ACAA2: variants seen among roughly 807,000 people sequenced by gnomAD.
ACAA2 encodes 3-ketoacyl-CoA thiolase, mitochondrial.
In ACAA2, 35 loss-of-function variants were observed where a neutral mutation model predicts 44.8. That is an observed-to-expected ratio of 0.78 (90% CI 0.60 to 1.04). ACAA2 has a LOEUF of 1.04. Among genes scored for constraint, ACAA2 ranks in the 50% least tolerant of loss-of-function variants. The pLI, the probability that ACAA2 is intolerant of heterozygous loss-of-function variation, is 0.00. For missense variants in ACAA2, 468 were observed against 482.6 expected (o/e 0.97, Z 0.28); for synonymous variants, 142 against 166.5 (o/e 0.85, Z 1.13).
intron 2 of ACAA2, among the ~76,000 whole-genome samples, chr18:49,801,400 T>G (rs2143969746): frequency 6.6e-6 from 1 of 152,334 alleles, no homozygotes; most frequent in East Asian, 1.9e-4. Flanking sequence ...AAAAAATATT[T>G]TTCCTTCAAA....
chr18:49,787,260 T>TTA, intron 8 of ACAA2, 31 bp downstream of exon 8: 3 of 1,023,526 alleles, frequency 2.9e-6, no homozygotes, highest in South Asian at 4.5e-5. Flanking sequence ...TTCATGTTGT[T>TTA]AAAAAAAAAA....
chr18:49,799,215 C>A (rs1260610111), intron 2 of ACAA2, among the ~76,000 whole-genome samples: 1 of 152,042 alleles, frequency 6.6e-6, no homozygotes, highest in South Asian at 2.1e-4. Context: ...CACAGCTCTC[C>A]CTCTCCCCCT....
At chr18:49,806,637 T>C (rs141339500) in intron 1 of ACAA2, among the ~76,000 whole-genome samples, 50 of 152,202 alleles carry the variant, frequency 3.3e-4, no homozygotes, top group African/African-American at 1.0e-3. Flanking sequence ...AAACAAAAAA[T>C]ATGACAATCA....
intron 2 of ACAA2, among the ~76,000 whole-genome samples, chr18:49,799,583 C>A (rs547212018): frequency 6.6e-6 from 1 of 152,092 alleles, no homozygotes; most frequent in African/African-American, 2.4e-5. Context: ...ACCTCCCAGC[C>A]GCCTGCCTTG....
chr18:49,784,181 T>G (rs1214683835), intron 9 of ACAA2, among the ~76,000 whole-genome samples: 1 of 151,382 alleles, frequency 6.6e-6, no homozygotes, highest in African/African-American at 2.4e-5. Context: ...AAAAAGGAGA[T>G]GAGTGGATTT....
intron 7 of ACAA2, among the ~76,000 whole-genome samples, chr18:49,790,183 G>A (rs766027924): frequency 1.5e-4 from 23 of 152,210 alleles, no homozygotes; most frequent in Non-Finnish European, 3.1e-4. Flanking sequence ...ATAGCCAAAA[G>A]CTAATAAGCT....
chr18:49,785,004 A>G (rs2143943234), intron 9 of ACAA2, among the ~76,000 whole-genome samples, 193 bp downstream of exon 9: 1 of 152,332 alleles, frequency 6.6e-6, no homozygotes, highest in Admixed American at 6.5e-5. Context: ...TTAAGTGCAA[A>G]GCCACTAACA....
intron 1 of ACAA2, among the ~76,000 whole-genome samples, chr18:49,806,125 AG>A (rs887241900): frequency 1.3e-4 from 20 of 152,224 alleles, no homozygotes; most frequent in African/African-American, 4.8e-4. Context: ...GGAACAGAAC[AG>A]GGTAAGTGTC....
chr18:49,804,383 T>C (rs1188081979), intron 1 of ACAA2, among the ~76,000 whole-genome samples: 1 of 152,144 alleles, frequency 6.6e-6, no homozygotes, highest in Non-Finnish European at 1.5e-5. Flanking sequence ...TTCAAATAAA[T>C]AACCTGAACT....
At chr18:49,790,453 A>C (rs978002781) in intron 7 of ACAA2, among the ~76,000 whole-genome samples, 4 of 152,218 alleles carry the variant, frequency 2.6e-5, no homozygotes, top group South Asian at 2.1e-4. Context: ...GTAACAGGTT[A>C]TCCTCCTCCT....
intron 1 of ACAA2, among the ~76,000 whole-genome samples, chr18:49,803,834 A>G (rs1173010767): frequency 1.3e-5 from 2 of 152,142 alleles, no homozygotes; most frequent in Non-Finnish European, 1.5e-5. Flanking sequence ...CTGCCAGGAA[A>G]CTTTCAGTAA....
intron 8 of ACAA2, chr18:49,786,586 TTAAA>T (rs1405585374): frequency 2.0e-5 from 3 of 151,866 alleles, no homozygotes; most frequent in Admixed American, 6.5e-5. Flanking sequence ...CGCTATCAAG[TTAAA>T]TAGATTTCCT....
intron 1 of ACAA2, among the ~76,000 whole-genome samples, chr18:49,811,008 T>C (rs1334028477): frequency 8.2e-6 from 1 of 122,654 alleles, no homozygotes; most frequent in Non-Finnish European, 1.7e-5. Flanking sequence ...TTGTATACCA[T>C]GTCAATTTTC....
chr18:49,803,280 A>ATAT lies in ACAA2; in HGVS notation c.17-430_17-428dup, dbSNP rs1555790931. ...AATAATAATAATAATAATAATAATA[A>ATAT]TATCAATCCCTGACCTAAACTACTT... On this transcript the variant is annotated intron_variant, in intron 1 of 9. Coordinates refer to ENST00000285093, the MANE Select transcript of ACAA2 (RefSeq NM_006111.3). Among the ~76,000 whole-genome samples, 980 of 149,328 alleles carry ATAT rather than the reference A, an allele frequency of 6.6e-3. 16 individuals are homozygous for ATAT. The South Asian group carries it at 0.075, about 11-fold the overall frequency.
At chr18:49,800,294 G>A (rs1337993591) in intron 2 of ACAA2, among the ~76,000 whole-genome samples, 8 of 149,016 alleles carry the variant, frequency 5.4e-5, no homozygotes, top group Admixed American at 2.0e-4. Context: ...CCCCCCGCCC[G>A]GCCAGCCGCC....
intron 2 of ACAA2, among the ~76,000 whole-genome samples, chr18:49,800,980 G>C (rs1050396506): frequency 1.3e-4 from 19 of 150,654 alleles, no homozygotes; most frequent in African/African-American, 3.9e-4. Flanking sequence ...ATAAGACAAA[G>C]ATATCCATTT....
At position 49,797,596 on chromosome 18, in the gene ACAA2, T is replaced by TA. The variant is rs1568587868; in HGVS notation, c.184-3dup. 6.3e-7 allele frequency: 1 copy of TA among 1,585,864 alleles called. No individual in the cohort carries two copies. The highest frequency in any genetic ancestry group is 1.9e-5 in the Admixed American group (1 of 51,376). On this transcript the variant is annotated splice_region_variant and splice_polypyrimidine_tract_variant and intron_variant, in intron 2 of 9. Coordinates refer to ENST00000285093, the MANE Select transcript of ACAA2 (RefSeq NM_006111.3). ...CAAATATATAGCATCTGAAGAACTC[T>TA]AGAAGAGAGAAGGAAAAGAAAAATA...
intron 7 of ACAA2, among the ~76,000 whole-genome samples, chr18:49,789,348 G>A (rs919048695): frequency 6.6e-6 from 1 of 152,078 alleles, no homozygotes; most frequent in Non-Finnish European, 1.5e-5. Flanking sequence ...ATGCTTCAAC[G>A]AGTTACTTTG....
intron 1 of ACAA2, among the ~76,000 whole-genome samples, chr18:49,813,235 T>A (rs1202872287): frequency 2.6e-5 from 4 of 152,242 alleles, no homozygotes; most frequent in African/African-American, 9.6e-5. Context: ...TGGTCTCAAC[T>A]AAACAGGAAA....
Sources: gnomAD v4.1 joint callset for allele counts (sites outside exome capture counted in the v4.1 genomes callset) on GRCh38, gnomAD v4.1.1 for gene constraint, MANE v1.5 for transcripts, NCBI Gene and HGNC (gene_info 2026-07-23, HGNC 2026-07-21) for gene names.